The following TRHDE variants were observed in gnomAD, a reference collection of about 807,000 sequenced individuals.
The protein encoded by TRHDE is thyrotropin-releasing hormone-degrading ectoenzyme.
TRHDE carries 72 observed loss-of-function variants against 125.7 expected under a neutral mutation model. The observed-to-expected ratio is 0.57, with a 90% confidence interval of 0.47 to 0.70. The LOEUF (loss-of-function observed/expected upper bound fraction) is 0.70, where lower values mean the gene tolerates loss of function less well. Among genes scored for constraint, TRHDE ranks in the 30% least tolerant of loss-of-function variants. The pLI, the probability that TRHDE is intolerant of heterozygous loss-of-function variation, is 0.00. For missense variants in TRHDE, 1,110 were observed against 1,327.1 expected, an observed-to-expected ratio of 0.84 and a Z score of 2.54; for synonymous variants, 509 against 509.1, an observed-to-expected ratio of 1.00 and a Z score of 0.00.
At chr12:72,651,726 C>T (rs899880250) in intron 15 of TRHDE, among the ~76,000 whole-genome samples, 1 of 151,850 alleles carries the variant, frequency 6.6e-6, no homozygotes, top group Non-Finnish European at 1.5e-5. Flanking sequence ...CATTTTGGAT[C>T]AAAGTCAAAT....
intron 3 of TRHDE, among the ~76,000 whole-genome samples, chr12:72,411,089 G>C (rs1184452254): frequency 1.3e-5 from 2 of 151,728 alleles, no homozygotes; most frequent in South Asian, 2.1e-4. Flanking sequence ...TGTAGTCCCA[G>C]CTACTCGGGA....
At chr12:72,278,236 T>A (rs1879562955) in intron 1 of TRHDE, among the ~76,000 whole-genome samples, 1 of 152,186 alleles carries the variant, frequency 6.6e-6, no homozygotes. Context: ...CATGAAGTCT[T>A]CCAGTTCATC....
intron 15 of TRHDE, among the ~76,000 whole-genome samples, chr12:72,641,509 T>C (rs976663471): frequency 6.6e-6 from 1 of 152,232 alleles, no homozygotes; most frequent in Non-Finnish European, 1.5e-5. Context: ...TATGTTATTT[T>C]TGTAAACTTA....
Position 72,663,295 on chromosome 12 carries a change from T to A in TRHDE, c.*100T>A. ...TGTACTACCTAGAAAATGGCCAGAT[T>A]TTCAGTGTTAACGTGTGGGAGGAAT... On this transcript the variant is annotated 3_prime_UTR_variant, in exon 19 of 19. Coordinates refer to ENST00000261180, the MANE Select transcript of TRHDE (RefSeq NM_013381.3). The A allele has an allele frequency of 9.8e-7, 1 of 1,016,860 alleles. No homozygotes were observed. The highest frequency in any genetic ancestry group is 1.3e-6 in the Non-Finnish European group (1 of 749,294). 63.0% of individuals were successfully genotyped at this position (1,016,860 alleles called of 1,614,324 possible). A position where few individuals can be genotyped will look rare whatever the true frequency, so the allele number is the denominator to read the frequency against.
chr12:72,286,676 TCCAGA>T lies in TRHDE; in HGVS notation c.915-4_915del, dbSNP rs1471424310. The T allele has an allele frequency of 6.2e-7, 1 of 1,610,526 alleles. No individual in the cohort carries two copies. Among genetic ancestry groups the T allele is most frequent in the Non-Finnish European group, 8.5e-7 (1 of 1,178,136 alleles). Reference sequence around the variant, plus strand: ...TAATTGAGAATGTCATTTTCTTTTTTCCAGATTCCTTGGTGTTACTCAGTTTTCGC... The same window carrying T: ...TAATTGAGAATGTCATTTTCTTTTTTTTCCTTGGTGTTACTCAGTTTTCGC... On this transcript the variant is annotated splice_acceptor_variant and splice_polypyrimidine_tract_variant and coding_sequence_variant and intron_variant, in exon 2 of 19. Transcript: ENST00000261180. LOFTEE classifies it high-confidence loss of function.
At chr12:72,519,064 T>C (rs1879038366) in intron 6 of TRHDE, among the ~76,000 whole-genome samples, 1 of 152,228 alleles carries the variant, frequency 6.6e-6, no homozygotes, top group African/African-American at 2.4e-5. Flanking sequence ...CCTTTCCCTC[T>C]GGCTGCCCTT....
chr12:72,607,574 A>G (rs1436052824), intron 12 of TRHDE, among the ~76,000 whole-genome samples: 2 of 152,258 alleles, frequency 1.3e-5, no homozygotes, highest in East Asian at 3.9e-4. Flanking sequence ...TTTCAAAACT[A>G]ATGAGCCAGT....
chr12:72,400,525 T>C (rs1872997617), intron 3 of TRHDE, among the ~76,000 whole-genome samples: 1 of 152,182 alleles, frequency 6.6e-6, no homozygotes, highest in South Asian at 2.1e-4. Flanking sequence ...CTTTCATTTA[T>C]AGATATTAGA....
intron 12 of TRHDE, among the ~76,000 whole-genome samples, chr12:72,613,104 C>G (rs1872691982): frequency 6.6e-6 from 1 of 152,106 alleles, no homozygotes; most frequent in Non-Finnish European, 1.5e-5. Flanking sequence ...AATTTTCTGA[C>G]TAGGAGAAAG....
intron 3 of TRHDE, among the ~76,000 whole-genome samples, chr12:72,404,568 A>T (rs1056447689): frequency 2.0e-5 from 3 of 152,244 alleles, no homozygotes; most frequent in Non-Finnish European, 2.9e-5. Context: ...CAGAAGGTGA[A>T]GGAAGAGCAA....
At chr12:72,404,830 C>T (rs1873199843) in intron 3 of TRHDE, among the ~76,000 whole-genome samples, 1 of 152,146 alleles carries the variant, frequency 6.6e-6, no homozygotes, top group South Asian at 2.1e-4. Flanking sequence ...AGTCTTACCT[C>T]TGCTACTTCT....
chr12:72,111,306 G>GGTGATAAAGGACTGTA (rs1257043883), intron 2 of TRHDE, among the ~76,000 whole-genome samples: 1 of 152,088 alleles, frequency 6.6e-6, no homozygotes, highest in African/African-American at 2.4e-5. Context: ...GACAGCCCCT[G>GGTGATAAAGGACTGTA]GTGATAAAGG....
At chr12:72,295,078 G>A (rs1157294777) in intron 2 of TRHDE, among the ~76,000 whole-genome samples, 1 of 150,046 alleles carries the variant, frequency 6.7e-6, no homozygotes, top group African/African-American at 2.5e-5. Context: ...GTCCGCAGCT[G>A]TGGTTTGGGT....
intron 2 of TRHDE, among the ~76,000 whole-genome samples, chr12:72,293,297 G>A (rs536054868): frequency 6.6e-6 from 1 of 151,960 alleles, no homozygotes; most frequent in Non-Finnish European, 1.5e-5. Flanking sequence ...ACTCTGGGTT[G>A]TCTGTTTACT....
At chr12:72,569,537 GC>G (rs1870620640) in intron 10 of TRHDE, among the ~76,000 whole-genome samples, 1 of 152,120 alleles carries the variant, frequency 6.6e-6, no homozygotes, top group Non-Finnish European at 1.5e-5. Flanking sequence ...CTTCTCCTCA[GC>G]CTTGCTATTA....
chr12:72,621,878 T>A, intron 15 of TRHDE, 127 bp downstream of exon 15: 2 of 674,574 alleles, frequency 3.0e-6, no homozygotes, highest in Non-Finnish European at 4.9e-6. Context: ...CAGCAACATT[T>A]TGTGTCAGGT....
Position 72,621,725 on chromosome 12 carries a change from A to C in TRHDE, c.2649A>C (p.Ser883=). 6.2e-7 allele frequency: 1 copy of C among 1,604,442 alleles called. No individual in the cohort carries two copies. The highest frequency in any genetic ancestry group is 1.1e-5 in the South Asian group (1 of 89,516). The change falls in exon 15 of 19, where the codon TCA becomes TCC. Residue 883 remains serine (S), a synonymous_variant. Transcript: ENST00000261180. ...HCHQQASTLI[S]DWISSNRNRI... is the part of the protein sequence containing the mutation. ...ACCAACAGGCATCAACACTTATTTC[A>C]GATTGGATTTCCAGCAACAGGAACA... is the stretch of plus-strand genomic sequence containing the variant.
intron 2 of TRHDE, among the ~76,000 whole-genome samples, chr12:72,315,580 T>C (rs1868760957): frequency 6.6e-6 from 1 of 152,236 alleles, no homozygotes; most frequent in South Asian, 2.1e-4. Flanking sequence ...ATGCACTTTC[T>C]CTCTGTACCT....
Position 72,665,700 on chromosome 12 carries a change from C to A in TRHDE, c.*2505C>A, listed in dbSNP as rs1185320335. ...CAAATTATATGTATGCATGAAATAA[C>A]TAACTGTTGAAAGTGTCCAACCTCC... On this transcript the variant is annotated 3_prime_UTR_variant, in exon 19 of 19. Coordinates refer to ENST00000261180, the MANE Select transcript of TRHDE (RefSeq NM_013381.3). The A allele has an allele frequency of 6.6e-6, 1 of 151,678 alleles. No individual in the cohort carries two copies. The highest frequency in any genetic ancestry group is 2.4e-5 in the African/African-American group (1 of 41,202). The allele number at this position is 151,678 out of a possible 1,614,324, so 9.4% of individuals were successfully genotyped here.
Sources: allele counts gnomAD v4.1 joint callset (sites outside exome capture counted in the v4.1 genomes callset), GRCh38; gene constraint gnomAD v4.1.1; transcripts MANE v1.5; gene names NCBI Gene and HGNC (gene_info 2026-07-23, HGNC 2026-07-21).